SLC16A12: variants seen among roughly 807,000 people sequenced by gnomAD.
SLC16A12 encodes monocarboxylate transporter 12.
Under a neutral mutation model 42.4 loss-of-function variants are expected in SLC16A12, and 17 were observed. The observed-to-expected ratio is 0.40, with a 90% CI of 0.27 to 0.60. SLC16A12 has a LOEUF of 0.60. Ranked by LOEUF, SLC16A12 falls within the 20% of genes least tolerant of loss-of-function variation. SLC16A12 has a pLI of 0.42. For synonymous variants in SLC16A12, 224 were observed against 229.4 expected, an observed-to-expected ratio of 0.98 and a Z score of 0.21; for missense variants, 544 against 623.0, an observed-to-expected ratio of 0.87 and a Z score of 1.35.
intron 2 of SLC16A12, among the ~76,000 whole-genome samples, chr10:89,466,636 T>C (rs962430245): frequency 6.6e-6 from 1 of 152,196 alleles, no homozygotes; most frequent in Non-Finnish European, 1.5e-5. Context: ...CAGATTCTTC[T>C]GAAAAATTGC....
chr10:89,456,375 G>A (rs542314248), intron 3 of SLC16A12: 25 of 152,234 alleles, frequency 1.6e-4, no homozygotes, highest in African/African-American at 6.0e-4. Flanking sequence ...GGACCCAGTA[G>A]ACTTAGAGAA....
chr10:89,510,251 A>T (rs185980848), intron 2 of SLC16A12, among the ~76,000 whole-genome samples: 76 of 152,334 alleles, frequency 5.0e-4, no homozygotes, highest in Middle Eastern at 3.4e-3. Flanking sequence ...TTGCATATGG[A>T]ACCATAAAAG....
chr10:89,441,041 C>A (rs776271433), intron 5 of SLC16A12, 67 bp downstream of exon 5: 102 of 1,583,184 alleles, frequency 6.4e-5, no homozygotes, highest in Non-Finnish European at 8.1e-5. Flanking sequence ...TGAATTACTT[C>A]TCTGTTGATG....
upstream of SLC16A12, among the ~76,000 whole-genome samples, chr10:89,539,720 T>C (rs11185747): frequency 1.5e-3 from 234 of 152,316 alleles, no homozygotes; most frequent in African/African-American, 5.5e-3. Flanking sequence ...TTTGTTCTCA[T>C]GACTAATTAA....
intron 3 of SLC16A12, among the ~76,000 whole-genome samples, chr10:89,448,596 G>A (rs192018316): frequency 1.3e-5 from 2 of 152,226 alleles, no homozygotes; most frequent in East Asian, 1.9e-4. Context: ...AGGTATTGAT[G>A]GAATGTATCT....
At chr10:89,502,834 A>C (rs891760008) in intron 2 of SLC16A12, among the ~76,000 whole-genome samples, 1 of 152,210 alleles carries the variant, frequency 6.6e-6, no homozygotes, top group African/African-American at 2.4e-5. Context: ...CCCCAACTTC[A>C]TGTCAACTAG....
chr10:89,436,197 C>A lies in SLC16A12; in HGVS notation c.1151G>T (p.Gly384Val), dbSNP rs1253138939. 6.2e-7 allele frequency: 1 copy of A among 1,613,908 alleles called. No homozygotes were observed. Among genetic ancestry groups the A allele is most frequent in the South Asian group, 1.1e-5 (1 of 91,048 alleles). Residue 384 changes from glycine (G) to valine (V), a missense_variant, in exon 7 of 8, where the codon GGC becomes GTC. Physicochemically the swap from Gly to Val is moderately radical, Grantham distance 109 (BLOSUM62 -3). Transcript: ENST00000371790. ...PLLVPFSCTF[G>V]YFDGAYVTLI... ...AGTCACATAGGCACCATCAAAGTAG[C>A]CAAAGGTACAAGAGAAAGGCACGAG...
chr10:89,505,749 G>C (rs750965591), intron 2 of SLC16A12, among the ~76,000 whole-genome samples: 2 of 152,152 alleles, frequency 1.3e-5, no homozygotes, highest in South Asian at 4.1e-4. Flanking sequence ...CATGGTCTTC[G>C]CAACCGGAAG....
At chr10:89,507,623 C>T (rs1189133834) in intron 2 of SLC16A12, among the ~76,000 whole-genome samples, 1 of 152,242 alleles carries the variant, frequency 6.6e-6, no homozygotes, top group Admixed American at 6.5e-5. Context: ...ACTGCAAAAA[C>T]ATGCCAAATT....
At chr10:89,436,848 A>G (rs1233945765) in intron 6 of SLC16A12, among the ~76,000 whole-genome samples, 43 of 133,816 alleles carry the variant, frequency 3.2e-4, no homozygotes, top group African/African-American at 1.2e-3. Context: ...GGAGAAAGAA[A>G]GAAAAGAAAG....
chr10:89,554,119 G>GGAAAGAAAGAAA lies in SLC16A12; in HGVS notation c.-47+1762_-47+1763insTTTCTTTCTTTC, dbSNP rs1843792939. 9.7e-4 allele frequency among the ~76,000 whole-genome samples: 137 copies of GGAAAGAAAGAAA among 141,486 alleles called. 2 individuals carry two copies. The highest frequency in any genetic ancestry group is 3.3e-3 in the African/African-American group (123 of 36,966). The allele number at this position is 141,486 out of a possible 152,430, so 92.8% of individuals were successfully genotyped here. ...AAGAAAGAAGGAAGGAAGGAAGGAA[G>GGAAAGAAAGAAA]GAAGGAAGGAAGGAAGGAAGGAAGG... On this transcript the variant is annotated intron_variant, in intron 2 of 2. Coordinates refer to the SLC16A12 transcript ENST00000475682.
chr10:89,512,262 C>T (rs1843173538), intron 2 of SLC16A12, among the ~76,000 whole-genome samples: 1 of 152,180 alleles, frequency 6.6e-6, no homozygotes, highest in African/African-American at 2.4e-5. Context: ...GAATGGTGAA[C>T]ATACTTCTGA....
At chr10:89,489,501 G>T (rs1433953358) in intron 2 of SLC16A12, among the ~76,000 whole-genome samples, 1 of 151,872 alleles carries the variant, frequency 6.6e-6, no homozygotes, top group Non-Finnish European at 1.5e-5. Context: ...ACTGTACCCG[G>T]CTAACTTTTT....
chr10:89,527,683 T>C (rs980859772), intron 2 of SLC16A12, among the ~76,000 whole-genome samples: 14 of 151,910 alleles, frequency 9.2e-5, no homozygotes, highest in Admixed American at 7.9e-4. Context: ...GGTGCCCACC[T>C]GTAGTTCCAG....
At chr10:89,538,781 T>C (rs1001418180), upstream of SLC16A12, among the ~76,000 whole-genome samples, 13 of 152,352 alleles carry the variant, frequency 8.5e-5, no homozygotes, top group Admixed American at 3.3e-4. Flanking sequence ...CTTAAAAATA[T>C]TGGGGAATGA....
At chr10:89,505,751 A>C (rs1843050656) in intron 2 of SLC16A12, among the ~76,000 whole-genome samples, 1 of 152,184 alleles carries the variant, frequency 6.6e-6, no homozygotes, top group Non-Finnish European at 1.5e-5. Context: ...TGGTCTTCGC[A>C]ACCGGAAGAC....
chr10:89,484,917 C>T (rs182390232), intron 2 of SLC16A12, among the ~76,000 whole-genome samples: 24 of 152,258 alleles, frequency 1.6e-4, no homozygotes, highest in African/African-American at 5.3e-4. Context: ...CTGGCCCTGC[C>T]GATTGTACCA....
intron 2 of SLC16A12, among the ~76,000 whole-genome samples, chr10:89,526,892 T>G (rs1001180193): frequency 1.3e-5 from 2 of 150,898 alleles, no homozygotes; most frequent in Admixed American, 6.6e-5. Context: ...CCTACTCAGA[T>G]AGCAGAAGGG....
Position 89,482,869 on chromosome 10 carries a change from T to A in SLC16A12, c.-46-20245A>T, listed in dbSNP as rs188522087. On this transcript the variant is annotated intron_variant, in intron 2 of 7. Coordinates refer to ENST00000371790, the MANE Select transcript of SLC16A12 (RefSeq NM_213606.4). The stretch of plus-strand genomic sequence containing the variant: ...TTTAGCAGAGTGAAATCATGTTGTG[T>A]AGAAGGAAACACATCAATATGCCTT... Among the ~76,000 whole-genome samples, 8 of 152,112 alleles carry A rather than the reference T, an allele frequency of 5.3e-5. No homozygotes were observed. In the East Asian group the frequency reaches 1.5e-3, roughly 29 times the overall value.
Sources: allele counts gnomAD v4.1 joint callset (sites outside exome capture counted in the v4.1 genomes callset), GRCh38; gene constraint gnomAD v4.1.1; transcripts MANE v1.5; gene names NCBI Gene and HGNC (gene_info 2026-07-23, HGNC 2026-07-21).